PPFIA2: variants seen among roughly 807,000 people sequenced by gnomAD.
The protein encoded by PPFIA2 is PPFI scaffold protein A2.
Under a neutral mutation model 175.5 loss-of-function variants are expected in PPFIA2, and 46 were observed. That is an observed-to-expected ratio of 0.26 (90% CI 0.21 to 0.34). The LOEUF is 0.34. PPFIA2 is among the 10% of genes least tolerant of loss of function. The probability of loss-of-function intolerance (pLI) is 1.00; values close to 1 mark genes in which losing one functional copy is unlikely to be tolerated. For missense variants in PPFIA2, 1,179 were observed against 1,506.1 expected, an observed-to-expected ratio of 0.78 and a Z score of 3.60; for synonymous variants, 568 against 511.4, an observed-to-expected ratio of 1.11 and a Z score of -1.49.
chr12:81,310,988 T>G (rs1291182277), intron 22 of PPFIA2, among the ~76,000 whole-genome samples: 2 of 152,212 alleles, frequency 1.3e-5, no homozygotes, highest in African/African-American at 4.8e-5. Context: ...TGTATCTCAT[T>G]GCAGTCATTT....
intron 4 of PPFIA2, among the ~76,000 whole-genome samples, chr12:81,559,805 T>TTG (rs201998404): frequency 3.4e-4 from 19 of 55,374 alleles, no homozygotes; most frequent in African/African-American, 1.5e-3. Context: ...TGCTTAGTTG[T>TTG]TTTTTTTTTT....
At chr12:81,487,340 G>C (rs1211435478) in intron 4 of PPFIA2, among the ~76,000 whole-genome samples, 1 of 151,630 alleles carries the variant, frequency 6.6e-6, no homozygotes, top group African/African-American at 2.4e-5. Context: ...TACCTTTTTT[G>C]TGTTTTATCT....
At chr12:81,367,901 G>T (rs1423879691) in intron 13 of PPFIA2, among the ~76,000 whole-genome samples, 1 of 151,396 alleles carries the variant, frequency 6.6e-6, no homozygotes, top group Non-Finnish European at 1.5e-5. Flanking sequence ...ATTGCATAGG[G>T]GCCATGTATT....
chr12:81,360,844 T>A (rs764474013), intron 15 of PPFIA2, among the ~76,000 whole-genome samples: 32 of 151,798 alleles, frequency 2.1e-4, no homozygotes, highest in Non-Finnish European at 2.9e-4. Context: ...TGTGATATGA[T>A]TTACTATACA....
intron 4 of PPFIA2, among the ~76,000 whole-genome samples, chr12:81,489,362 T>C (rs1367813082): frequency 1.3e-5 from 2 of 151,810 alleles, no homozygotes; most frequent in African/African-American, 4.8e-5. Flanking sequence ...ACCGTAAAAC[T>C]CAAGATGCAT....
chr12:81,667,109 G>A lies in PPFIA2; in HGVS notation c.303+9682C>T, dbSNP rs565149089. 4.6e-5 allele frequency among the ~76,000 whole-genome samples: 7 copies of A among 152,156 alleles called. No individual in the cohort carries two copies. The South Asian group carries it at 1.5e-3, about 32-fold the overall frequency. ...ATCATCTTTGGGGCATATACAAAATGTTAACCATTCTACATCACCAAGCTT... is the reference window on the plus strand; with the variant it reads ...ATCATCTTTGGGGCATATACAAAATATTAACCATTCTACATCACCAAGCTT... On this transcript the variant is annotated intron_variant, in intron 4 of 32. Coordinates refer to ENST00000549396, the MANE Select transcript of PPFIA2 (RefSeq NM_003625.5).
intron 8 of PPFIA2, among the ~76,000 whole-genome samples, chr12:81,405,446 A>T (rs2142908838): frequency 6.6e-6 from 1 of 152,002 alleles, no homozygotes; most frequent in African/African-American, 2.4e-5. Context: ...CATATGCCAT[A>T]TATACACACA....
intron 4 of PPFIA2, among the ~76,000 whole-genome samples, chr12:81,544,749 C>A (rs889196526): frequency 1.3e-5 from 2 of 152,094 alleles, no homozygotes; most frequent in Non-Finnish European, 2.9e-5. Flanking sequence ...TTTCCATCAG[C>A]ACACAATTAT....
chr12:81,591,833 C>G (rs1325506503), intron 4 of PPFIA2, among the ~76,000 whole-genome samples: 3 of 152,194 alleles, frequency 2.0e-5, no homozygotes, highest in South Asian at 4.1e-4. Context: ...TCATGGAGAA[C>G]CTCTGCTATG....
intron 4 of PPFIA2, among the ~76,000 whole-genome samples, chr12:81,646,914 G>T (rs1285355420): frequency 6.6e-6 from 1 of 151,850 alleles, no homozygotes; most frequent in Non-Finnish European, 1.5e-5. Context: ...GAGGGAAGCA[G>T]GGAGAAAAGG....
rs189317779 is a variant in PPFIA2, at chr12:81,693,439, C to T, written c.250-16595G>A. On this transcript the variant is annotated intron_variant, in intron 3 of 32. Coordinates refer to ENST00000549396, the MANE Select transcript of PPFIA2 (RefSeq NM_003625.5). The stretch of plus-strand genomic sequence containing the variant: ...GCTTTCACCGTGTGATGTCCCTGTT[C>T]CCCCTTCACTTCCCACCATGACTGA... 2.5e-3 allele frequency among the ~76,000 whole-genome samples: 382 copies of T among 152,182 alleles called. 1 individual carries two copies. The highest frequency in any genetic ancestry group is 9.2e-3 in the Admixed American group (141 of 15,264).
intron 5 of PPFIA2, among the ~76,000 whole-genome samples, chr12:81,448,509 T>G (rs905392150): frequency 1.3e-5 from 2 of 152,224 alleles, no homozygotes; most frequent in African/African-American, 4.8e-5. Context: ...CTGCTCAAAT[T>G]TTTAATGTCT....
chr12:81,276,254 T>C (rs549553949), intron 28 of PPFIA2, among the ~76,000 whole-genome samples: 8 of 152,204 alleles, frequency 5.3e-5, no homozygotes, highest in Admixed American at 1.3e-4. Flanking sequence ...GTGATAGTCA[T>C]TGGAGTCTCA....
intron 22 of PPFIA2, among the ~76,000 whole-genome samples, chr12:81,317,088 T>A (rs1377604352): frequency 6.6e-6 from 1 of 151,580 alleles, no homozygotes; most frequent in Non-Finnish European, 1.5e-5. Context: ...AACTAATCAA[T>A]GTGATTATTA....
rs572152380 is a variant in PPFIA2, at chr12:81,453,477, A to T, written c.405+4288T>A. ...TGAGTTGAAATAACATCAGGAATAAATTATTTTCTATAAATATAACCTTCT... is the reference window on the plus strand; with the variant it reads ...TGAGTTGAAATAACATCAGGAATAATTTATTTTCTATAAATATAACCTTCT... On this transcript the variant is annotated intron_variant, in intron 5 of 32. Coordinates refer to ENST00000549396, the MANE Select transcript of PPFIA2 (RefSeq NM_003625.5). 2.6e-3 allele frequency among the ~76,000 whole-genome samples: 397 copies of T among 152,172 alleles called. 1 individual carries two copies. The highest frequency in any genetic ancestry group is 9.2e-3 in the African/African-American group (383 of 41,534).
chr12:81,714,622 C>A (rs1028059335), intron 3 of PPFIA2, among the ~76,000 whole-genome samples: 1 of 150,738 alleles, frequency 6.6e-6, no homozygotes. Flanking sequence ...AGAAGACCAG[C>A]CTTGGATATG....
chr12:81,276,678 T>C (rs531972979), intron 28 of PPFIA2, among the ~76,000 whole-genome samples: 8 of 152,306 alleles, frequency 5.3e-5, no homozygotes, highest in East Asian at 1.9e-4. Flanking sequence ...TTTTTAAATA[T>C]AGTATTTTTT....
intron 3 of PPFIA2, among the ~76,000 whole-genome samples, chr12:81,736,532 A>G (rs1052591920): frequency 1.3e-5 from 2 of 152,026 alleles, no homozygotes; most frequent in African/African-American, 2.4e-5. Context: ...TTTTAAACAG[A>G]TAACTCTGCA....
chr12:81,725,090 C>T (rs528891664), intron 3 of PPFIA2, among the ~76,000 whole-genome samples: 1 of 150,920 alleles, frequency 6.6e-6, no homozygotes, highest in African/African-American at 2.4e-5. Context: ...TGATGTTGAA[C>T]ATTTTTTCAT....
Sources: allele counts gnomAD v4.1 joint callset (sites outside exome capture counted in the v4.1 genomes callset), GRCh38; gene constraint gnomAD v4.1.1; transcripts MANE v1.5; gene names NCBI Gene and HGNC (gene_info 2026-07-23, HGNC 2026-07-21).